GRIK1: variants seen among roughly 807,000 people sequenced by gnomAD.
GRIK1 encodes the protein glutamate receptor ionotropic, kainate 1.
A neutral mutation model predicts 105.7 loss-of-function variants in GRIK1; 69 were observed. The ratio of observed to expected loss-of-function variants is 0.65; its 90% CI spans 0.54 to 0.80. The LOEUF is 0.80. GRIK1 is among the 30% of genes least tolerant of loss of function. The probability of loss-of-function intolerance (pLI) is 0.00; values close to 1 mark genes in which losing one functional copy is unlikely to be tolerated. For missense variants in GRIK1, 1,109 were observed against 1,167.3 expected, an observed-to-expected ratio of 0.95 and a Z score of 0.73; for synonymous variants, 438 against 431.3, an observed-to-expected ratio of 1.02 and a Z score of -0.19.
rs541640762 is a variant in GRIK1 at position 29,907,302 on chromosome 21, A to T, written c.118+32081T>A. Reference sequence around the variant, plus strand: ...TTTTGGTTAATGTTGCAAATTTTGAAAACTCAAGTGTGTGCCATACTGAGA... The same window carrying T: ...TTTTGGTTAATGTTGCAAATTTTGATAACTCAAGTGTGTGCCATACTGAGA... On this transcript the variant is annotated intron_variant, in intron 1 of 17. Coordinates refer to ENST00000327783, the MANE Select transcript of GRIK1 (RefSeq NM_001330994.2). Among the ~76,000 whole-genome samples, 4 of 152,282 alleles carry T rather than the reference A, an allele frequency of 2.6e-5. No individual in the cohort carries two copies. The South Asian group carries it at 8.3e-4, about 32-fold the overall frequency.
chr21:29,716,241 A>T (rs558540549), intron 1 of GRIK1, among the ~76,000 whole-genome samples: 1 of 152,278 alleles, frequency 6.6e-6, no homozygotes, highest in Non-Finnish European at 1.5e-5. Context: ...GTATTTCTTC[A>T]TGGCAGCATG....
In GRIK1 at chr21:29,697,946, CTTTT is replaced by C. The variant is rs746591146; in HGVS notation, c.119-3887_119-3884del. ...TCTCTCTCTCTTTCTTTCTTTCTTT[CTTTT>C]TTCTTTCTTCCTTTCTTTCTTTCTC... On this transcript the variant is annotated intron_variant, in intron 1 of 17. Transcript: ENST00000327783. Among the ~76,000 whole-genome samples, 129 of 123,824 alleles carry C rather than the reference CTTTT, an allele frequency of 1.0e-3. 1 individual carries two copies. The highest frequency in any genetic ancestry group is 3.7e-3 in the Middle Eastern group (1 of 270). The allele number at this position is 123,824 out of a possible 152,430, so 81.2% of individuals were successfully genotyped here.
At chr21:29,726,570 G>A (rs114281843) in intron 1 of GRIK1, among the ~76,000 whole-genome samples, 1,599 of 152,028 alleles carry the variant, frequency 0.011, 30 homozygotes, top group African/African-American at 0.037. Context: ...TCTTTTGAGT[G>A]TATATTTTCA....
intron 1 of GRIK1, among the ~76,000 whole-genome samples, chr21:29,905,078 G>A (rs1234586650): frequency 1.3e-5 from 2 of 152,136 alleles, no homozygotes; most frequent in Non-Finnish European, 2.9e-5. Flanking sequence ...AGAATCAGAG[G>A]GTCAGAGTGC....
chr21:29,609,891 A>G (rs2146366366), intron 7 of GRIK1, among the ~76,000 whole-genome samples: 1 of 152,128 alleles, frequency 6.6e-6, no homozygotes, highest in Non-Finnish European at 1.5e-5. Context: ...TCTCTCTCCT[A>G]TTGGTTTTGT....
chr21:29,847,589 A>G (rs1352277024), intron 1 of GRIK1, among the ~76,000 whole-genome samples: 2 of 152,196 alleles, frequency 1.3e-5, no homozygotes, highest in Non-Finnish European at 2.9e-5. Context: ...CTCTGTCTCA[A>G]AAAACAAACA....
intron 16 of GRIK1, among the ~76,000 whole-genome samples, chr21:29,542,517 C>T (rs1446888316): frequency 1.3e-5 from 2 of 152,106 alleles, no homozygotes; most frequent in African/African-American, 4.8e-5. Context: ...GGGAAAATAA[C>T]AATTTTTTTA....
intron 1 of GRIK1, among the ~76,000 whole-genome samples, chr21:29,868,150 C>A (rs933895183): frequency 6.6e-6 from 1 of 152,076 alleles, no homozygotes; most frequent in Non-Finnish European, 1.5e-5. Flanking sequence ...TCTGTGAAAA[C>A]AACAAAACTG....
chr21:29,719,053 A>G (rs1168398889), intron 1 of GRIK1, among the ~76,000 whole-genome samples: 1 of 144,486 alleles, frequency 6.9e-6, no homozygotes, highest in Non-Finnish European at 1.5e-5. Context: ...GCCAGTAGTT[A>G]CAGTAGAAAG....
intron 1 of GRIK1, among the ~76,000 whole-genome samples, chr21:29,770,327 C>T (rs1319860129): frequency 6.6e-6 from 1 of 152,182 alleles, no homozygotes; most frequent in East Asian, 1.9e-4. Context: ...CCAGTAGTGC[C>T]CACGTCTGGG....
intron 7 of GRIK1, among the ~76,000 whole-genome samples, chr21:29,616,017 C>T (rs1022769925): frequency 2.0e-5 from 3 of 152,180 alleles, no homozygotes; most frequent in African/African-American, 7.2e-5. Context: ...GAAATTTGCC[C>T]CAATTCCCAA....
At chr21:29,877,076 G>C (rs1306836827) in intron 1 of GRIK1, among the ~76,000 whole-genome samples, 1 of 152,102 alleles carries the variant, frequency 6.6e-6, no homozygotes, top group Non-Finnish European at 1.5e-5. Context: ...TATTTCTAAG[G>C]CTGATCTTTT....
chr21:29,549,267 C>T (rs977700903), intron 16 of GRIK1, among the ~76,000 whole-genome samples: 1 of 152,158 alleles, frequency 6.6e-6, no homozygotes, highest in Non-Finnish European at 1.5e-5. Context: ...AGTAAAACCA[C>T]TATATTCAAG....
intron 1 of GRIK1, among the ~76,000 whole-genome samples, chr21:29,796,808 G>A (rs2066571037): frequency 6.6e-6 from 1 of 152,040 alleles, no homozygotes; most frequent in Non-Finnish European, 1.5e-5. Flanking sequence ...AACTAGTTGG[G>A]TGTGGTGGTG....
intron 9 of GRIK1, chr21:29,595,960 T>C (rs1480812973): frequency 1.6e-5 from 3 of 186,342 alleles, no homozygotes; most frequent in African/African-American, 7.2e-5. Flanking sequence ...GTGTCCTCTT[T>C]AGAACTGTGG....
chr21:29,710,953 G>A (rs1264488832), intron 1 of GRIK1, among the ~76,000 whole-genome samples: 1 of 150,586 alleles, frequency 6.6e-6, no homozygotes. Context: ...ACCCATTCTT[G>A]GATTGTCGCC....
rs1452064285 is a variant in GRIK1 at position 29,658,520 on chromosome 21, C to T, written c.727-3657G>A. 2.0e-5 allele frequency among the ~76,000 whole-genome samples: 3 copies of T among 152,204 alleles called. No individual in the cohort carries two copies. The East Asian group carries it at 5.8e-4, about 29-fold the overall frequency. On this transcript the variant is annotated intron_variant, in intron 4 of 17. Transcript: ENST00000327783. ...CAAGTGATCCTCCTGTCTTGGTCTC[C>T]CTAAGTGCTGGGATCACAGGCGTGA...
chr21:29,876,551 G>C (rs1358940856), intron 1 of GRIK1, among the ~76,000 whole-genome samples: 1 of 152,028 alleles, frequency 6.6e-6, no homozygotes, highest in African/African-American at 2.4e-5. Context: ...TTTTTATGCT[G>C]CTTTTTCTAT....
At chr21:29,713,711 G>T (rs953642177) in intron 1 of GRIK1, among the ~76,000 whole-genome samples, 1 of 152,048 alleles carries the variant, frequency 6.6e-6, no homozygotes, top group African/African-American at 2.4e-5. Context: ...ATTTTGAGAC[G>T]GCACAAATGG....
Sources: allele counts gnomAD v4.1 joint callset (sites outside exome capture counted in the v4.1 genomes callset), GRCh38; gene constraint gnomAD v4.1.1; transcripts MANE v1.5; gene names NCBI Gene and HGNC (gene_info 2026-07-23, HGNC 2026-07-21).